Variants in GRAMD1B observed in about 807,000 individuals in gnomAD.
The protein encoded by GRAMD1B is GRAM domain containing 1B, also known as protein Aster-B.
GRAMD1B carries 37 observed loss-of-function variants against 99.7 expected under a neutral mutation model. The ratio of observed to expected loss-of-function variants is 0.37; its 90% CI spans 0.29 to 0.49. The LOEUF (loss-of-function observed/expected upper bound fraction) is 0.49, where lower values mean the gene tolerates loss of function less well. Among genes scored for constraint, GRAMD1B ranks in the 20% least tolerant of loss-of-function variants. The pLI is 0.98. For missense variants in GRAMD1B, 888 were observed against 1,009.2 expected (o/e 0.88, Z 1.63); for synonymous variants, 427 against 387.6 (o/e 1.10, Z -1.19).
intron 1 of GRAMD1B, among the ~76,000 whole-genome samples, chr11:123,419,674 A>T (rs1325378751): frequency 2.0e-5 from 3 of 148,492 alleles, no homozygotes; most frequent in Admixed American, 2.0e-4. Flanking sequence ...TGTCTGGTGC[A>T]AGAAGGGAGT....
At chr11:123,423,026 A>C (rs1233864038) in intron 1 of GRAMD1B, among the ~76,000 whole-genome samples, 1 of 152,114 alleles carries the variant, frequency 6.6e-6, no homozygotes, top group Non-Finnish European at 1.5e-5. Flanking sequence ...AGCAATAATC[A>C]TTTTTCATAA....
intron 1 of GRAMD1B, among the ~76,000 whole-genome samples, chr11:123,445,204 T>A (rs956865010): frequency 2.6e-5 from 4 of 152,174 alleles, no homozygotes; most frequent in African/African-American, 9.7e-5. Flanking sequence ...AAGAGTGTTG[T>A]CAGGTATTTC....
chr11:123,499,541 T>C (rs1163993119), intron 2 of GRAMD1B, among the ~76,000 whole-genome samples: 1 of 152,200 alleles, frequency 6.6e-6, no homozygotes, highest in African/African-American at 2.4e-5. Context: ...TATTCCATCT[T>C]ATCTGTCACC....
chr11:123,481,933 C>T (rs1050414260), intron 2 of GRAMD1B, among the ~76,000 whole-genome samples: 7 of 152,074 alleles, frequency 4.6e-5, no homozygotes, highest in African/African-American at 9.7e-5. Context: ...GCAGAAGGTA[C>T]TTTTACCACA....
At chr11:123,583,204 G>A (rs753107598) in intron 3 of GRAMD1B, among the ~76,000 whole-genome samples, 3 of 151,392 alleles carry the variant, frequency 2.0e-5, no homozygotes, top group Admixed American at 6.6e-5. Context: ...GTGTGTGTAC[G>A]TGTATTCGTG....
At position 123,587,011 on chromosome 11, in the gene GRAMD1B, C is replaced by G. The variant is rs998296835; in HGVS notation, c.684+2679C>G. Reference sequence around the variant, plus strand: ...AGTGAGGGCCAGTGCCCTGCAGAATCGCTGATAGTGGCAAGAGCATTCAGG... The same window carrying G: ...AGTGAGGGCCAGTGCCCTGCAGAATGGCTGATAGTGGCAAGAGCATTCAGG... On this transcript the variant is annotated intron_variant, in intron 4 of 19. Coordinates refer to ENST00000635736, the MANE Select transcript of GRAMD1B (RefSeq NM_001387025.1). This position sits in a 1 kb window ranked among gnomAD's most constrained non-coding sequence, Gnocchi z 4.2. Among the ~76,000 whole-genome samples the G allele has an allele frequency of 1.3e-5, 2 of 152,204 alleles. No individual in the cohort carries two copies. Among genetic ancestry groups the G allele is most frequent in the African/African-American group, 2.4e-5 (1 of 41,450 alleles).
intron 2 of GRAMD1B, among the ~76,000 whole-genome samples, chr11:123,568,523 G>A (rs2136109136): frequency 6.6e-6 from 1 of 152,330 alleles, no homozygotes; most frequent in South Asian, 2.1e-4. Flanking sequence ...GGGACAAGAG[G>A]TTCATTTCTG....
chr11:123,547,394 A>C (rs1945127102), intron 2 of GRAMD1B, among the ~76,000 whole-genome samples: 1 of 152,184 alleles, frequency 6.6e-6, no homozygotes, highest in South Asian at 2.1e-4. Flanking sequence ...TTGATGTCTC[A>C]GAGTTGGGAG....
intron 2 of GRAMD1B, among the ~76,000 whole-genome samples, chr11:123,572,376 T>C (rs1948200388): frequency 6.6e-6 from 1 of 152,238 alleles, no homozygotes; most frequent in Non-Finnish European, 1.5e-5. Context: ...GAATGGCACA[T>C]TATAAAGTTG....
At chr11:123,506,315 T>C (rs1318117811) in intron 2 of GRAMD1B, among the ~76,000 whole-genome samples, 5 of 152,100 alleles carry the variant, frequency 3.3e-5, no homozygotes, top group Non-Finnish European at 7.4e-5. Context: ...CTTAGGGAAC[T>C]TGGTGCTTGT....
At chr11:123,380,744 G>A (rs1946844360) in intron 1 of GRAMD1B, among the ~76,000 whole-genome samples, 1 of 152,122 alleles carries the variant, frequency 6.6e-6, no homozygotes, top group African/African-American at 2.4e-5. Context: ...CCTTTCAGAT[G>A]GTGATTTTTG....
rs1310974539 is a variant in GRAMD1B at position 123,513,478 on chromosome 11, A to G, written c.452+32585A>G. Reference sequence around the variant, plus strand: ...AGATGATGAATTGTTACTGAGAGTTAGTTTCCTTCCTTTCTTTCTCCCTCT... The same window carrying G: ...AGATGATGAATTGTTACTGAGAGTTGGTTTCCTTCCTTTCTTTCTCCCTCT... On this transcript the variant is annotated intron_variant, in intron 2 of 19. Transcript: ENST00000635736. Among the ~76,000 whole-genome samples the G allele has an allele frequency of 2.6e-5, 4 of 151,110 alleles. No individual in the cohort carries two copies. The East Asian group carries it at 5.9e-4, about 22-fold the overall frequency.
intron 2 of GRAMD1B, among the ~76,000 whole-genome samples, chr11:123,498,202 C>T (rs1939513099): frequency 6.6e-6 from 1 of 152,208 alleles, no homozygotes; most frequent in South Asian, 2.1e-4. Context: ...CCTGGGGACC[C>T]CAAGAGCCTG....
intron 1 of GRAMD1B, among the ~76,000 whole-genome samples, chr11:123,372,523 A>C (rs1591371286): frequency 6.6e-6 from 1 of 152,206 alleles, no homozygotes; most frequent in East Asian, 1.9e-4. Context: ...GTTGCTGGAG[A>C]AGGGGACTCA....
rs1165277192 is a variant in GRAMD1B at position 123,599,543 on chromosome 11, G to C, written c.970-925G>C. 3 of 494,618 alleles carry C rather than the reference G, an allele frequency of 6.1e-6. No homozygotes were observed. The Admixed American group carries it at 7.0e-5, about 12-fold the overall frequency. 30.6% of individuals were successfully genotyped at this position (494,618 alleles called of 1,614,324 possible). A position where few individuals can be genotyped will look rare whatever the true frequency, so the allele number is the denominator to read the frequency against. On this transcript the variant is annotated intron_variant, in intron 7 of 19. Transcript: ENST00000635736. ...GCTGGAGTGCAGTAGCACTATCTTG[G>C]CTCACTACAACCTCTGCCTTCTGGG...
At chr11:123,441,847 C>G (rs56212493) in intron 1 of GRAMD1B, among the ~76,000 whole-genome samples, 4 of 152,178 alleles carry the variant, frequency 2.6e-5, no homozygotes, top group Non-Finnish European at 5.9e-5. Flanking sequence ...GGAGAAATAT[C>G]CCGACTATAT....
intron 1 of GRAMD1B, among the ~76,000 whole-genome samples, chr11:123,384,323 A>G (rs1255987440): frequency 6.6e-6 from 1 of 152,234 alleles, no homozygotes; most frequent in African/African-American, 2.4e-5. Flanking sequence ...TGCCAAATCC[A>G]GTGGCCTATT....
chr11:123,456,935 A>G (rs1950155634), intron 1 of GRAMD1B, among the ~76,000 whole-genome samples: 1 of 149,318 alleles, frequency 6.7e-6, no homozygotes, highest in Non-Finnish European at 1.5e-5. Context: ...AAAAAAAAAA[A>G]AAGAAAAAGA....
chr11:123,385,613 G>A (rs972665497), intron 1 of GRAMD1B, among the ~76,000 whole-genome samples: 1 of 152,096 alleles, frequency 6.6e-6, no homozygotes, highest in Non-Finnish European at 1.5e-5. Context: ...CCACAAGCCT[G>A]GAGAGTCACC....
Sources: allele counts gnomAD v4.1 joint callset (sites outside exome capture counted in the v4.1 genomes callset), GRCh38; gene constraint gnomAD v4.1.1; non-coding constraint Gnocchi (gnomAD v3.1); transcripts MANE v1.5; gene names NCBI Gene and HGNC (gene_info 2026-07-23, HGNC 2026-07-21).